EBPL: variants seen among roughly 807,000 people sequenced by gnomAD.
The protein encoded by EBPL is emopamil-binding protein-like.
In EBPL, 20 loss-of-function variants were observed where a neutral mutation model predicts 19.0. That is an observed-to-expected ratio of 1.05 (90% confidence interval 0.74 to 1.53). The LOEUF is 1.53. Ranked by LOEUF, EBPL falls within the 40% of genes most tolerant of loss-of-function variation. The probability of loss-of-function intolerance (pLI) is 0.00; values close to 1 mark genes in which losing one functional copy is unlikely to be tolerated. For missense variants in EBPL, 219 were observed against 261.1 expected (o/e 0.84, Z 1.11); for synonymous variants, 107 against 117.0 (o/e 0.91, Z 0.55).
intron 1 of EBPL, among the ~76,000 whole-genome samples, chr13:49,675,191 G>A (rs1016746883): frequency 2.0e-5 from 3 of 152,198 alleles, no homozygotes; most frequent in African/African-American, 7.2e-5. Context: ...CTCACACGTA[G>A]GCTATATGGA....
Position 49,691,357 on chromosome 13 carries a change from G to T in EBPL, c.68C>A (p.Ala23Glu), listed in dbSNP as rs759734216. The T allele has an allele frequency of 5.2e-6, 7 of 1,356,504 alleles. No homozygotes were observed. The highest frequency in any genetic ancestry group is 6.2e-5 in the Admixed American group (2 of 32,154). 84.0% of individuals were successfully genotyped at this position (1,356,504 alleles called of 1,614,324 possible). The part of the protein sequence containing the change: ...GSLLLCAALL[A>E]AGCALGLRLG... ...GCGCAGGCCCAGGGCGCAGCCCGCC[G>T]CCAGCAGCGCGGCGCACAGCAGCAG... Residue 23 changes from alanine (A) to glutamate (E), a missense_variant, in exon 1 of 4, where the codon GCG (alanine) becomes GAG (glutamate). Ala to Glu is a moderately radical substitution (Grantham distance 107). Coordinates refer to ENST00000242827, the MANE Select transcript of EBPL (RefSeq NM_032565.5).
chr13:49,685,980 C>T (rs567804587), intron 1 of EBPL, among the ~76,000 whole-genome samples: 15 of 152,230 alleles, frequency 9.9e-5, no homozygotes, highest in African/African-American at 3.4e-4. Flanking sequence ...GGGCGTGGCA[C>T]AGCCACTGGG....
chr13:49,662,925 C>T (rs1053254681), intron 3 of EBPL, 132 bp downstream of exon 3: 126 of 1,220,196 alleles, frequency 1.0e-4, no homozygotes, highest in Non-Finnish European at 1.2e-4. Flanking sequence ...TGGGAGCCAC[C>T]GCGCCCAGCC....
In EBPL at chr13:49,691,419, G is replaced by T. The variant is rs771764559; in HGVS notation, c.6C>A (p.Gly2=). 10 of 1,340,998 alleles carry T rather than the reference G, an allele frequency of 7.5e-6. No individual in the cohort carries two copies. The South Asian group carries it at 2.3e-4, about 31-fold the overall frequency. The allele number at this position is 1,340,998 out of a possible 1,614,324, so 83.1% of individuals were successfully genotyped here. The change falls in exon 1 of 4, where the codon GGC becomes GGA. Residue 2 remains glycine, a synonymous_variant. Transcript: ENST00000242827. Reference sequence around the variant, plus strand: ...CCTCGGCCCCCAGCTCCCACTCAGCGCCCATGCTTCAGGCTTCCGACGCCA... The same window carrying T: ...CCTCGGCCCCCAGCTCCCACTCAGCTCCCATGCTTCAGGCTTCCGACGCCA... M[G]AEWELGAEAG... is the part of the protein sequence containing the mutation.
intron 1 of EBPL, chr13:49,686,579 G>C (rs1297773054): frequency 1.4e-5 from 18 of 1,289,520 alleles, no homozygotes; most frequent in Non-Finnish European, 1.8e-5. Flanking sequence ...CTGGTTCGTG[G>C]TCTTTCCCAC....
intron 2 of EBPL, among the ~76,000 whole-genome samples, chr13:49,666,146 C>T (rs1965224358): frequency 6.6e-6 from 1 of 151,986 alleles, no homozygotes; most frequent in Non-Finnish European, 1.5e-5. Flanking sequence ...GCAGGCTTTG[C>T]AGTAACAAGA....
rs568206306 is a variant in EBPL, at chr13:49,688,933, C to G, written c.171+2321G>C. ...TCAACTGCTTAATTCAAGTGCTCTC[C>G]CCACTGATCTCTGAGACACATGTAC... On this transcript the variant is annotated intron_variant, in intron 1 of 3. Coordinates refer to ENST00000242827, the MANE Select transcript of EBPL (RefSeq NM_032565.5). 3.3e-5 allele frequency among the ~76,000 whole-genome samples: 5 copies of G among 152,192 alleles called. No homozygotes were observed. The East Asian group carries it at 7.7e-4, about 23-fold the overall frequency.
chr13:49,661,277 C>A, intron 3 of EBPL, 69 bp from the exon 4 acceptor site: 1 of 1,283,176 alleles, frequency 7.8e-7, no homozygotes, highest in Non-Finnish European at 1.1e-6. Flanking sequence ...GTCATGACAT[C>A]TTGTCTGTAA....
intron 2 of EBPL, among the ~76,000 whole-genome samples, chr13:49,668,877 C>T (rs1204479939): frequency 6.8e-6 from 1 of 146,398 alleles, no homozygotes; most frequent in Non-Finnish European, 1.5e-5. Context: ...CACTCACTAC[C>T]AACATTTTTT....
intron 1 of EBPL, among the ~76,000 whole-genome samples, chr13:49,673,147 G>A (rs949405324): frequency 3.9e-5 from 6 of 152,096 alleles, no homozygotes; most frequent in African/African-American, 1.4e-4. Flanking sequence ...ATCGAATACT[G>A]GTGAGGATGT....
Position 49,661,081 on chromosome 13 carries a change from A to C in EBPL, c.508T>G (p.Phe170Val). 2.5e-6 allele frequency: 4 copies of C among 1,614,154 alleles called. No homozygotes were observed. The highest frequency in any genetic ancestry group is 3.4e-6 in the Non-Finnish European group (4 of 1,180,026). ...AGAACCCACACACCGTTAAAAAAAA[A>C]CAGGTAAAGCCAACAGTACAGCCAG... ...SNWLYCWLYL[F>V]FFNGVWVLIP... The change falls in exon 4 of 4, where the codon TTT becomes GTT. Residue 170 changes from phenylalanine to valine, a missense_variant. Phe to Val is a conservative substitution (Grantham distance 50). This residue lies in a region of EBPL where 49 missense variants were observed against 94.1 expected (regional missense o/e 0.52). Coordinates refer to ENST00000242827, the MANE Select transcript of EBPL (RefSeq NM_032565.5).
Position 49,661,942 on chromosome 13 carries a change from G to C in EBPL, c.381-734C>G, listed in dbSNP as rs745778745. The C allele has an allele frequency of 1.9e-6, 3 of 1,544,902 alleles. No individual in the cohort carries two copies. The South Asian group carries it at 3.6e-5, about 18-fold the overall frequency. ...CCACTCTGTCCCTAAGGAAAGAAAA[G>C]GAAGGAAGGGAGGAGAGTTTATAGT... On this transcript the variant is annotated intron_variant, in intron 3 of 3. Coordinates refer to ENST00000242827, the MANE Select transcript of EBPL (RefSeq NM_032565.5).
At chr13:49,661,761 T>C in intron 3 of EBPL, 2 of 1,487,796 alleles carry the variant, frequency 1.3e-6, no homozygotes, top group Non-Finnish European at 1.8e-6. Flanking sequence ...AGGAAAAATT[T>C]AATTTTTATT....
rs375093022 is a variant in EBPL at position 49,660,906 on chromosome 13, C to G, written c.*62G>C. 4.1e-5 allele frequency: 60 copies of G among 1,450,998 alleles called. No homozygotes were observed. The East Asian group carries it at 1.3e-3, about 30-fold the overall frequency. The allele number at this position is 1,450,998 out of a possible 1,614,324, so 89.9% of individuals were successfully genotyped here. ...TGGAATGTATTACATTTTGGCCAAACAAAAAGATTTGATTCATTCTGGTTC... is the reference window on the plus strand; with the variant it reads ...TGGAATGTATTACATTTTGGCCAAAGAAAAAGATTTGATTCATTCTGGTTC... On this transcript the variant is annotated 3_prime_UTR_variant, in exon 4 of 4. Transcript: ENST00000242827.
At chr13:49,671,923 C>A (rs1024769805) in intron 1 of EBPL, among the ~76,000 whole-genome samples, 1 of 152,160 alleles carries the variant, frequency 6.6e-6, no homozygotes, top group Non-Finnish European at 1.5e-5. Flanking sequence ...ATAACAAATC[C>A]GTTTCCTTTT....
intron 1 of EBPL, among the ~76,000 whole-genome samples, chr13:49,682,229 C>T (rs1481679557): frequency 6.6e-6 from 1 of 152,224 alleles, no homozygotes; most frequent in Non-Finnish European, 1.5e-5. Context: ...ATCAAACAGT[C>T]ACACGAGTTC....
chr13:49,682,329 A>C (rs1193093557), intron 1 of EBPL, among the ~76,000 whole-genome samples: 1 of 152,230 alleles, frequency 6.6e-6, no homozygotes, highest in Non-Finnish European at 1.5e-5. Flanking sequence ...CTCTGCCAGA[A>C]GGTTGTTACT....
Position 49,691,480 on chromosome 13 carries a change from G to T in EBPL, c.-56C>A. 7.9e-7 allele frequency: 1 copy of T among 1,266,204 alleles called. No homozygotes were observed. Among genetic ancestry groups the T allele is most frequent in the Admixed American group, 3.5e-5 (1 of 28,694 alleles). The allele number at this position is 1,266,204 out of a possible 1,614,324, so 78.4% of individuals were successfully genotyped here. A position where few individuals can be genotyped will look rare whatever the true frequency, so the allele number is the denominator to read the frequency against. Reference sequence around the variant, plus strand: ...ACCATGCGGCAGAGGAAAGCAGGGAGAGAAACGACGGGGCGGGGCTGGCCG... The same window carrying T: ...ACCATGCGGCAGAGGAAAGCAGGGATAGAAACGACGGGGCGGGGCTGGCCG... On this transcript the variant is annotated 5_prime_UTR_variant, in exon 1 of 4. Coordinates refer to ENST00000242827, the MANE Select transcript of EBPL (RefSeq NM_032565.5).
intron 1 of EBPL, among the ~76,000 whole-genome samples, chr13:49,678,452 C>G (rs949575838): frequency 1.3e-5 from 2 of 152,232 alleles, no homozygotes; most frequent in Non-Finnish European, 1.5e-5. Context: ...CGAGCCCTGC[C>G]CCGTGGGGAA....
Sources: allele counts gnomAD v4.1 joint callset (sites outside exome capture counted in the v4.1 genomes callset), GRCh38; gene constraint gnomAD v4.1.1; regional missense constraint gnomAD v4.1.1; transcripts MANE v1.5; gene names NCBI Gene and HGNC (gene_info 2026-07-23, HGNC 2026-07-21).